Variants in RBFOX1 observed in about 807,000 individuals in gnomAD.
The protein encoded by RBFOX1 is RNA binding protein fox-1 homolog 1.
Under a neutral mutation model 57.7 loss-of-function variants are expected in RBFOX1, and 8 were observed. That is an observed-to-expected ratio of 0.14 (90% CI 0.08 to 0.25). The LOEUF (loss-of-function observed/expected upper bound fraction) is 0.25. Among genes scored for constraint, RBFOX1 ranks in the 10% least tolerant of loss-of-function variants. The probability of loss-of-function intolerance (pLI) is 1.00; values close to 1 mark genes in which losing one functional copy is unlikely to be tolerated. For synonymous variants in RBFOX1, 326 were observed against 222.4 expected, an observed-to-expected ratio of 1.47 and a Z score of -4.15; for missense variants, 611 against 548.5, an observed-to-expected ratio of 1.11 and a Z score of -1.14.
chr16:5,468,910 G>A (rs534661655), intron 2 of RBFOX1, among the ~76,000 whole-genome samples: 10 of 152,316 alleles, frequency 6.6e-5, no homozygotes, highest in East Asian at 5.8e-4. Context: ...TTCCCGCCCC[G>A]TCCCTTAGCT....
intron 3 of RBFOX1, among the ~76,000 whole-genome samples, chr16:6,835,707 T>C (rs1029968733): frequency 7.3e-6 from 1 of 136,630 alleles, no homozygotes; most frequent in Non-Finnish European, 1.5e-5. Context: ...TGAACCAAGA[T>C]TGAGTCATTG....
rs1371595175 is a variant in RBFOX1, at chr16:7,652,463, A to C, written c.758-1352A>C. Among the ~76,000 whole-genome samples the C allele has an allele frequency of 3.9e-5, 6 of 152,340 alleles. No homozygotes were observed. In the East Asian group the frequency reaches 1.2e-3, roughly 29 times the overall value. Reference sequence around the variant, plus strand: ...TGCTGTGTCACTCAGGCTGGAATGCAGTGGTGCCATCTCGACTCACTGCAA... The same window carrying C: ...TGCTGTGTCACTCAGGCTGGAATGCCGTGGTGCCATCTCGACTCACTGCAA... On this transcript the variant is annotated intron_variant, in intron 11 of 15. Coordinates refer to ENST00000550418, the MANE Select transcript of RBFOX1 (RefSeq NM_018723.4).
At chr16:6,849,551 C>G (rs1315494926) in intron 3 of RBFOX1, among the ~76,000 whole-genome samples, 2 of 152,144 alleles carry the variant, frequency 1.3e-5, no homozygotes, top group Non-Finnish European at 2.9e-5. Flanking sequence ...TGCCTGTAGT[C>G]CCAGCTACTC....
At chr16:6,782,233 T>G (rs1294030929) in intron 3 of RBFOX1, among the ~76,000 whole-genome samples, 1 of 152,190 alleles carries the variant, frequency 6.6e-6, no homozygotes, top group Non-Finnish European at 1.5e-5. Flanking sequence ...TCTCTGTCTC[T>G]TGACCTCGTG....
chr16:5,711,059 G>A (rs1000786944), intron 3 of RBFOX1, among the ~76,000 whole-genome samples: 1 of 152,192 alleles, frequency 6.6e-6, no homozygotes, highest in Non-Finnish European at 1.5e-5. Context: ...TGTTTGATCT[G>A]GAAGGGGAGA....
chr16:6,879,465 C>A (rs1378013515), intron 3 of RBFOX1, among the ~76,000 whole-genome samples: 1 of 152,036 alleles, frequency 6.6e-6, no homozygotes, highest in African/African-American at 2.4e-5. Context: ...TTGTGTGTAT[C>A]ATTGATTGAT....
chr16:7,158,345 C>G (rs1428892164), intron 4 of RBFOX1, among the ~76,000 whole-genome samples: 1 of 151,732 alleles, frequency 6.6e-6, no homozygotes, highest in African/African-American at 2.4e-5. Context: ...AACTCTGTCT[C>G]AAAAGAAAAA....
At chr16:6,888,359 T>G (rs1603636861) in intron 3 of RBFOX1, among the ~76,000 whole-genome samples, 1 of 152,278 alleles carries the variant, frequency 6.6e-6, no homozygotes, top group African/African-American at 2.4e-5. Context: ...TTTGAAAACT[T>G]TTTCGTTTTT....
At chr16:6,236,329 C>G (rs1223833624) in intron 1 of RBFOX1, among the ~76,000 whole-genome samples, 1 of 152,072 alleles carries the variant, frequency 6.6e-6, no homozygotes. Flanking sequence ...ACTAATAGTA[C>G]CTAACTCATA....
intron 2 of RBFOX1, among the ~76,000 whole-genome samples, chr16:6,366,460 A>G (rs11860797): frequency 0.069 from 10,442 of 152,164 alleles, 1,178 homozygotes; most frequent in African/African-American, 0.24. Flanking sequence ...ACAATGTTGA[A>G]CAACCCAGAA....
At chr16:5,906,636 A>G (rs1002544714) in intron 4 of RBFOX1, among the ~76,000 whole-genome samples, 2 of 150,984 alleles carry the variant, frequency 1.3e-5, no homozygotes, top group African/African-American at 4.9e-5. Context: ...GGGAGTCGGG[A>G]CATGTGTACT....
intron 2 of RBFOX1, among the ~76,000 whole-genome samples, chr16:5,519,622 G>A (rs948622803): frequency 2.0e-5 from 3 of 152,140 alleles, no homozygotes; most frequent in Admixed American, 1.3e-4. Flanking sequence ...CTACACTGGA[G>A]GCTGAGGCAA....
At chr16:7,155,762 CACATATATATACAG>C (rs2076990875) in intron 4 of RBFOX1, among the ~76,000 whole-genome samples, 4 of 122,988 alleles carry the variant, frequency 3.3e-5, no homozygotes, top group African/African-American at 1.2e-4. Context: ...CACACACACA[CACATATATATACAG>C]ACACATATAT....
At chr16:7,380,370 T>C (rs1454144703) in intron 4 of RBFOX1, among the ~76,000 whole-genome samples, 4 of 152,250 alleles carry the variant, frequency 2.6e-5, no homozygotes, top group African/African-American at 9.6e-5. Context: ...ATATTAAAAA[T>C]ATACACATTT....
chr16:5,421,878 G>C (rs979498725), intron 1 of RBFOX1, among the ~76,000 whole-genome samples: 2 of 152,182 alleles, frequency 1.3e-5, no homozygotes, highest in African/African-American at 4.8e-5. Flanking sequence ...AGGCATGCTC[G>C]TGGTTAGGGA....
rs111288230 is a variant in RBFOX1, at chr16:6,735,478, A to G, written c.-16+80828A>G. The stretch of plus-strand genomic sequence containing the variant: ...TGCCTGTCGGAGACTAAATCTTCAG[A>G]GTATACATATTTCAACAGTTATTTA... On this transcript the variant is annotated intron_variant, in intron 3 of 15. Coordinates refer to ENST00000550418, the MANE Select transcript of RBFOX1 (RefSeq NM_018723.4). Among the ~76,000 whole-genome samples, 260 of 152,324 alleles carry G rather than the reference A, an allele frequency of 1.7e-3. 1 individual carries two copies. The highest frequency in any genetic ancestry group is 6.0e-3 in the African/African-American group (250 of 41,576).
chr16:6,971,456 G>A (rs61253290), intron 3 of RBFOX1, among the ~76,000 whole-genome samples: 18,888 of 151,744 alleles, frequency 0.12, 1,271 homozygotes, highest in South Asian at 0.23. Context: ...CAGGGGTCCC[G>A]CAGTGCAGAG....
At position 5,590,472 on chromosome 16, in the gene RBFOX1, G is replaced by A. The variant is rs559480951; in HGVS notation, c.259-8430G>A. 2.7e-3 allele frequency among the ~76,000 whole-genome samples: 418 copies of A among 152,286 alleles called. 1 individual carries two copies. The highest frequency in any genetic ancestry group is 4.8e-3 in the Non-Finnish European group (328 of 68,024). On this transcript the variant is annotated intron_variant, in intron 2 of 2. Coordinates refer to the RBFOX1 transcript ENST00000585867. Reference sequence around the variant, plus strand: ...ACTGGCATTTCCTACGAAGGGCTGGGGGTGGTTTGATTCAGAATGGGCAGG... The same window carrying A: ...ACTGGCATTTCCTACGAAGGGCTGGAGGTGGTTTGATTCAGAATGGGCAGG...
At chr16:5,793,703 T>A (rs1401376482) in intron 3 of RBFOX1, among the ~76,000 whole-genome samples, 1 of 152,232 alleles carries the variant, frequency 6.6e-6, no homozygotes, top group East Asian at 1.9e-4. Context: ...TGGGAGACTT[T>A]CCAGGCTGGG....
Sources: gnomAD v4.1 joint callset for allele counts (sites outside exome capture counted in the v4.1 genomes callset) on GRCh38, gnomAD v4.1.1 for gene constraint, MANE v1.5 for transcripts, NCBI Gene and HGNC (gene_info 2026-07-23, HGNC 2026-07-21) for gene names.